The following USP47 variants were observed in gnomAD, a reference collection of about 807,000 sequenced individuals.
The protein encoded by USP47 is ubiquitin specific peptidase 47.
USP47 carries 35 observed loss-of-function variants against 165.1 expected under a neutral mutation model. The ratio of observed to expected loss-of-function variants is 0.21; its 90% confidence interval spans 0.16 to 0.28. The LOEUF is 0.28. USP47 is among the 10% of genes least tolerant of loss of function. USP47 has a pLI of 1.00. For missense variants in USP47, 1,277 were observed against 1,607.4 expected (o/e 0.79, Z 3.52); for synonymous variants, 531 against 544.5 (o/e 0.98, Z 0.35).
intron 11 of USP47, among the ~76,000 whole-genome samples, chr11:11,926,556 TC>T (rs1446153091): frequency 6.6e-6 from 1 of 152,030 alleles, no homozygotes; most frequent in Non-Finnish European, 1.5e-5. Flanking sequence ...GTTATTTGAG[TC>T]TTTTCTCTTT....
chr11:11,916,207 G>A (rs930712041), intron 8 of USP47, among the ~76,000 whole-genome samples: 4 of 152,188 alleles, frequency 2.6e-5, no homozygotes, highest in African/African-American at 9.7e-5. Flanking sequence ...CTAGCACTTC[G>A]GGAGGTCAAG....
Position 11,942,942 on chromosome 11 carries a change from G to C in USP47, c.2921G>C (p.Arg974Thr), listed in dbSNP as rs1157006977. ...GACTCTCACAGTATCACAAGTAGTA[G>C]AAGAACGAAAGCAAATGAAGGGAAA... is the stretch of plus-strand genomic sequence containing the variant. Reference protein sequence around the residue: ...GLDSHSITSSRRTKANEGKKE... With the variant: ...GLDSHSITSSTRTKANEGKKE... The change falls in exon 20 of 28, where the codon AGA becomes ACA. Residue 974 changes from arginine to threonine, a missense_variant. Physicochemically the swap from Arg to Thr is moderately conservative, Grantham distance 71. Coordinates refer to ENST00000527733, the MANE Select transcript of USP47 (RefSeq NM_001282659.2). The C allele has an allele frequency of 1.9e-6, 3 of 1,613,414 alleles. No homozygotes were observed. The highest frequency in any genetic ancestry group is 2.5e-6 in the Non-Finnish European group (3 of 1,179,730).
chr11:11,911,343 G>A (rs985989525), intron 8 of USP47, among the ~76,000 whole-genome samples: 5 of 152,092 alleles, frequency 3.3e-5, no homozygotes, highest in African/African-American at 1.2e-4. Context: ...AAAGAAGGCA[G>A]GCACAAAGAA....
chr11:11,880,957 G>A (rs550259855), intron 2 of USP47, among the ~76,000 whole-genome samples: 3 of 152,008 alleles, frequency 2.0e-5, no homozygotes, highest in African/African-American at 4.8e-5. Context: ...CATTTTTAAC[G>A]ACTGCAGTCT....
chr11:11,873,021 ACT>A (rs1850169064), intron 1 of USP47, among the ~76,000 whole-genome samples: 1 of 152,124 alleles, frequency 6.6e-6, no homozygotes. Flanking sequence ...GGTTAAAAGT[ACT>A]CTCTCTGTAT....
intron 14 of USP47, among the ~76,000 whole-genome samples, chr11:11,932,574 G>C (rs1372017171): frequency 6.6e-6 from 1 of 152,114 alleles, no homozygotes; most frequent in East Asian, 1.9e-4. Flanking sequence ...TTGTATCTCA[G>C]GTAGTAACTT....
intron 5 of USP47, among the ~76,000 whole-genome samples, chr11:11,901,908 A>G (rs1852251755): frequency 6.6e-6 from 1 of 151,480 alleles, no homozygotes; most frequent in South Asian, 2.1e-4. Flanking sequence ...GCAGTGAGCC[A>G]AGATCATCCC....
At chr11:11,879,112 A>G (rs776318242) in intron 1 of USP47, among the ~76,000 whole-genome samples, 2 of 152,332 alleles carry the variant, frequency 1.3e-5, no homozygotes, top group Non-Finnish European at 2.9e-5. Context: ...TATCAGAAAT[A>G]CTATTCGGGG....
chr11:11,848,186 T>A lies in USP47; in HGVS notation c.39+5962T>A, dbSNP rs1254004263. Among the ~76,000 whole-genome samples, 8 of 152,364 alleles carry A rather than the reference T, an allele frequency of 5.3e-5. No individual in the cohort carries two copies. In the East Asian group the frequency reaches 1.5e-3, roughly 29 times the overall value. On this transcript the variant is annotated intron_variant, in intron 1 of 27. Coordinates refer to ENST00000527733, the MANE Select transcript of USP47 (RefSeq NM_001282659.2). ...GTTAAATAGCTCTGCAGAACTATAG[T>A]CACTTGTCACTTAATGATGAGGACC... is the stretch of plus-strand genomic sequence containing the variant.
chr11:11,933,074 A>T lies in USP47; in HGVS notation c.1722A>T (p.Glu574Asp). The change falls in exon 15 of 28, where the codon GAA (glutamate) becomes GAT (aspartate). Residue 574 changes from glutamate to aspartate, a missense_variant. Physicochemically the swap from Glu to Asp is conservative, Grantham distance 45. This residue lies in a region of USP47 where 909 missense variants were observed against 1,068.1 expected (regional missense o/e 0.85). Transcript: ENST00000527733. The stretch of plus-strand genomic sequence containing the variant: ...TGCAGAAAGAGAGAGAGTTGGAAGA[A>T]CAAGAAAAGAGACAACGAGAAATTG... ...NLVQKERELEEQEKRQREIER... is the reference protein window; with the variant it reads ...NLVQKERELEDQEKRQREIER... 1 of 1,613,440 alleles carries T rather than the reference A, an allele frequency of 6.2e-7. No homozygotes were observed. Among genetic ancestry groups the T allele is most frequent in the Middle Eastern group, 1.7e-4 (1 of 6,052 alleles).
intron 5 of USP47, among the ~76,000 whole-genome samples, 183 bp downstream of exon 5, chr11:11,897,876 C>T (rs1851943428): frequency 2.6e-5 from 4 of 151,876 alleles, no homozygotes; most frequent in Admixed American, 6.6e-5. Context: ...AAAATGTGTG[C>T]GGAGAGAGAA....
chr11:11,922,598 A>G, intron 10 of USP47, 126 bp from the exon 11 acceptor site: 1 of 697,956 alleles, frequency 1.4e-6, no homozygotes, highest in Non-Finnish European at 2.1e-6. Flanking sequence ...AAATGTACTC[A>G]AAGTAAAATA....
chr11:11,942,267 A>G, intron 19 of USP47, 68 bp from the exon 20 acceptor site: 8 of 1,459,124 alleles, frequency 5.5e-6, no homozygotes, highest in Non-Finnish European at 7.4e-6. Flanking sequence ...TTGATGCAAT[A>G]TAATGATGAT....
chr11:11,935,401 A>C (rs1450999543), intron 16 of USP47, among the ~76,000 whole-genome samples: 2 of 151,994 alleles, frequency 1.3e-5, no homozygotes, highest in Non-Finnish European at 2.9e-5. Context: ...CATTTTGGTA[A>C]AAATTCTTTA....
chr11:11,881,184 G>T (rs1326858407), intron 2 of USP47, among the ~76,000 whole-genome samples: 2 of 152,000 alleles, frequency 1.3e-5, no homozygotes, highest in Non-Finnish European at 2.9e-5. Context: ...TTCAGTTCTT[G>T]CTTGTTGTGG....
intron 11 of USP47, among the ~76,000 whole-genome samples, chr11:11,927,184 C>A (rs1343967029): frequency 1.3e-5 from 2 of 151,630 alleles, no homozygotes; most frequent in Non-Finnish European, 2.9e-5. Context: ...TATCCTTGTT[C>A]CTCTATAGGT....
intron 8 of USP47, 50 bp downstream of exon 8, chr11:11,905,598 A>G (rs759885451): frequency 6.6e-7 from 1 of 1,522,764 alleles, no homozygotes; most frequent in Admixed American, 1.8e-5. Context: ...AGAATACATA[A>G]TAGCACAGTG....
chr11:11,956,313 A>G lies in USP47; in HGVS notation c.*138A>G, dbSNP rs1856556512. The G allele has an allele frequency of 5.1e-6, 4 of 787,152 alleles. No individual in the cohort carries two copies. The highest frequency in any genetic ancestry group is 2.2e-5 in the South Asian group (1 of 45,682). 48.8% of individuals were successfully genotyped at this position (787,152 alleles called of 1,614,324 possible). On this transcript the variant is annotated 3_prime_UTR_variant, in exon 28 of 28. Coordinates refer to ENST00000527733, the MANE Select transcript of USP47 (RefSeq NM_001282659.2). ...GCACTGATTGGACTGCCCTACACCAATCAGAAGCTCAGTGCCCAATGGGCC... is the reference window on the plus strand; with the variant it reads ...GCACTGATTGGACTGCCCTACACCAGTCAGAAGCTCAGTGCCCAATGGGCC...
intron 3 of USP47, among the ~76,000 whole-genome samples, chr11:11,889,312 A>G (rs576811111): frequency 2.0e-5 from 3 of 152,106 alleles, no homozygotes; most frequent in Non-Finnish European, 4.4e-5. Flanking sequence ...CCATCGTCTT[A>G]TGATGTATTT....
Sources: gnomAD v4.1 joint callset for allele counts (sites outside exome capture counted in the v4.1 genomes callset) on GRCh38, gnomAD v4.1.1 for gene constraint, gnomAD v4.1.1 regional missense constraint, MANE v1.5 for transcripts, NCBI Gene and HGNC (gene_info 2026-07-23, HGNC 2026-07-21) for gene names.